The following POLN variants were observed in gnomAD, a reference collection of about 807,000 sequenced individuals.
The protein encoded by POLN is DNA polymerase N.
A neutral mutation model predicts 113.5 loss-of-function variants in POLN; 108 were observed. That is an observed-to-expected ratio of 0.95 (90% CI 0.81 to 1.12). The LOEUF (loss-of-function observed/expected upper bound fraction) is 1.12, where lower values mean the gene tolerates loss of function less well. Ranked by LOEUF, POLN falls within the 50% of genes most tolerant of loss-of-function variation. POLN has a pLI of 0.00. For missense variants in POLN, 1,097 were observed against 1,077.1 expected, an observed-to-expected ratio of 1.02 and a Z score of -0.26; for synonymous variants, 386 against 391.5, an observed-to-expected ratio of 0.99 and a Z score of 0.17.
At chr4:2,122,491 A>G (rs977329581) in intron 19 of POLN, among the ~76,000 whole-genome samples, 4 of 152,184 alleles carry the variant, frequency 2.6e-5, no homozygotes, top group African/African-American at 9.7e-5. Flanking sequence ...AACCGTGCTC[A>G]ACATCCATCC....
intron 5 of POLN, among the ~76,000 whole-genome samples, chr4:2,207,145 G>A (rs1265505781): frequency 6.6e-6 from 1 of 152,194 alleles, no homozygotes; most frequent in East Asian, 1.9e-4. Flanking sequence ...AAGTAACTCA[G>A]GAATGGAAAA....
At chr4:2,184,541 T>A (rs1322483761) in intron 7 of POLN, among the ~76,000 whole-genome samples, 1 of 151,562 alleles carries the variant, frequency 6.6e-6, no homozygotes, top group East Asian at 1.9e-4. Context: ...ATTAGAAATA[T>A]CAGTATGAAC....
chr4:2,116,194 G>A (rs1731313340), intron 19 of POLN, among the ~76,000 whole-genome samples: 1 of 152,194 alleles, frequency 6.6e-6, no homozygotes, highest in Non-Finnish European at 1.5e-5. Context: ...GGAAAGACTT[G>A]TGGGCAAGTT....
intron 6 of POLN, among the ~76,000 whole-genome samples, chr4:2,196,942 C>T (rs1733590433): frequency 6.6e-6 from 1 of 152,094 alleles, no homozygotes; most frequent in South Asian, 2.1e-4. Context: ...GAGGCGCACA[C>T]CACATGGTCA....
chr4:2,151,995 C>A (rs773212906), intron 16 of POLN, among the ~76,000 whole-genome samples: 8 of 151,786 alleles, frequency 5.3e-5, no homozygotes, highest in Non-Finnish European at 8.8e-5. Context: ...TACTGAGAAC[C>A]AGCTATAACC....
intron 19 of POLN, among the ~76,000 whole-genome samples, chr4:2,113,191 A>G (rs1009831885): frequency 2.9e-5 from 4 of 138,694 alleles, no homozygotes; most frequent in African/African-American, 1.1e-4. Context: ...AACAAAGAGA[A>G]CACATGGACA....
chr4:2,238,574 T>C (rs779500621), intron 2 of POLN: 2 of 1,387,630 alleles, frequency 1.4e-6, no homozygotes, highest in Non-Finnish European at 1.9e-6. Flanking sequence ...AAAGGAAATA[T>C]TTACTAAAGA....
rs750844060 is a variant in POLN at position 2,096,686 on chromosome 4, A to AAGAGAGAGAGAG, written c.1983-765_1983-754dup. 2.6e-3 allele frequency among the ~76,000 whole-genome samples: 341 copies of AAGAGAGAGAGAG among 129,990 alleles called. 2 individuals carry two copies. The highest frequency in any genetic ancestry group is 3.7e-3 in the African/African-American group (127 of 33,898). 85.3% of individuals were successfully genotyped at this position (129,990 alleles called of 152,430 possible). Reference sequence around the variant, plus strand: ...CATCTCAGATTCAGAAGCCGAGAGAAAGAGAGAGAGAGAGAGAGAGAGAGA... The same window carrying AAGAGAGAGAGAG: ...CATCTCAGATTCAGAAGCCGAGAGAAAGAGAGAGAGAGAGAGAGAGAGAGAGAGAGAGAGAGA... On this transcript the variant is annotated intron_variant, in intron 19 of 25. Coordinates refer to ENST00000511885, the MANE Select transcript of POLN (RefSeq NM_181808.4).
At chr4:2,239,768 A>G (rs1243468200) in intron 2 of POLN, among the ~76,000 whole-genome samples, 1 of 152,214 alleles carries the variant, frequency 6.6e-6, no homozygotes, top group Non-Finnish European at 1.5e-5. Context: ...CATTACACAA[A>G]TTTAAAATTC....
intron 19 of POLN, among the ~76,000 whole-genome samples, chr4:2,100,679 G>A (rs374474146): frequency 3.3e-5 from 5 of 152,262 alleles, no homozygotes; most frequent in East Asian, 1.9e-4. Flanking sequence ...GTTAAAAAGG[G>A]CGAGTAATGA....
chr4:2,101,962 G>C (rs577026127), intron 19 of POLN, among the ~76,000 whole-genome samples: 2 of 152,178 alleles, frequency 1.3e-5, no homozygotes, highest in African/African-American at 2.4e-5. Flanking sequence ...TGAGTCAGCT[G>C]TGACAGCTGG....
chr4:2,095,818 C>A lies in POLN; in HGVS notation c.2065+33G>T, dbSNP rs138312097. 5.6e-6 allele frequency: 9 copies of A among 1,599,650 alleles called. No individual in the cohort carries two copies. The African/African-American group carries it at 9.4e-5, about 17-fold the overall frequency. On this transcript the variant is annotated intron_variant, in intron 20 of 25. Coordinates refer to ENST00000511885, the MANE Select transcript of POLN (RefSeq NM_181808.4). Reference sequence around the variant, plus strand: ...CACACAGCTGCCAGCTTACAGGTAACCCCGAGACCCCAGCTCCCGGCCCGC... The same window carrying A: ...CACACAGCTGCCAGCTTACAGGTAAACCCGAGACCCCAGCTCCCGGCCCGC...
At chr4:2,131,114 G>A (rs1025477972) in intron 17 of POLN, 119 bp downstream of exon 17, 23 of 664,080 alleles carry the variant, frequency 3.5e-5, no homozygotes, top group Admixed American at 1.1e-4. Context: ...GAGCCCAGGA[G>A]GTCAAGGCTG....
At chr4:2,238,270 C>A (rs1290681554) in intron 2 of POLN, among the ~76,000 whole-genome samples, 3 of 152,138 alleles carry the variant, frequency 2.0e-5, no homozygotes, top group South Asian at 2.1e-4. Flanking sequence ...CCCAGCAACA[C>A]CTACTATGCT....
At chr4:2,232,693 CATCCTA>C (rs1734625983) in intron 2 of POLN, among the ~76,000 whole-genome samples, 1 of 152,062 alleles carries the variant, frequency 6.6e-6, no homozygotes, top group Non-Finnish European at 1.5e-5. Flanking sequence ...CCACGAAAAC[CATCCTA>C]ATCATATAAT....
intron 24 of POLN, 86 bp from the exon 25 acceptor site, chr4:2,073,115 G>A: frequency 1.5e-6 from 2 of 1,338,408 alleles, no homozygotes; most frequent in Non-Finnish European, 2.1e-6. Context: ...TCAGGCCCGA[G>A]TCCTGCCCCG....
intron 19 of POLN, among the ~76,000 whole-genome samples, chr4:2,111,550 T>C (rs1731193973): frequency 6.6e-6 from 1 of 152,208 alleles, no homozygotes; most frequent in Admixed American, 6.5e-5. Context: ...AGTCTCAGGA[T>C]ACAAAATCAA....
At position 2,208,065 on chromosome 4, in the gene POLN, A is replaced by G. The variant is rs754304444; in HGVS notation, c.636T>C (p.Ile212=). 3 of 1,614,198 alleles carry G rather than the reference A, an allele frequency of 1.9e-6. No individual in the cohort carries two copies. The Admixed American group carries it at 5.0e-5, about 27-fold the overall frequency. ...GGGCTGCTGCCTGTTTGAGCATTTC[A>G]ATCAGCTGGCTTTTTGCCCAATCAT... is the stretch of plus-strand genomic sequence containing the variant. ...HLDDWAKSQL[I]EMLKQAAALV... The change falls in exon 5 of 26, where the codon ATT becomes ATC. Residue 212 remains isoleucine (I), a synonymous_variant. Coordinates refer to ENST00000511885, the MANE Select transcript of POLN (RefSeq NM_181808.4).
At chr4:2,225,371 A>G (rs1430473218) in intron 3 of POLN, among the ~76,000 whole-genome samples, 2 of 152,034 alleles carry the variant, frequency 1.3e-5, no homozygotes, top group East Asian at 1.9e-4. Context: ...CCTAACCAAC[A>G]TGGCGAAACC....
Sources: allele counts gnomAD v4.1 joint callset (sites outside exome capture counted in the v4.1 genomes callset), GRCh38; gene constraint gnomAD v4.1.1; transcripts MANE v1.5; gene names NCBI Gene and HGNC (gene_info 2026-07-23, HGNC 2026-07-21).